The following NCAM2 variants were observed in gnomAD, a reference collection of about 807,000 sequenced individuals.
NCAM2 encodes N-CAM-2.
In NCAM2, 30 loss-of-function variants were observed where a neutral mutation model predicts 98.1. The ratio of observed to expected loss-of-function variants is 0.31; its 90% CI spans 0.23 to 0.41. The LOEUF (loss-of-function observed/expected upper bound fraction) is 0.41. Ranked by LOEUF, NCAM2 falls within the 10% of genes least tolerant of loss-of-function variation. The pLI is 1.00. For synonymous variants in NCAM2, 368 were observed against 342.4 expected, an observed-to-expected ratio of 1.07 and a Z score of -0.83; for missense variants, 867 against 1,005.8, an observed-to-expected ratio of 0.86 and a Z score of 1.87.
intron 1 of NCAM2, among the ~76,000 whole-genome samples, chr21:21,063,370 G>A (rs749596615): frequency 3.3e-5 from 5 of 151,516 alleles, no homozygotes; most frequent in South Asian, 2.1e-4. Flanking sequence ...ACAGGCATGC[G>A]CCAGCACGCC....
intron 7 of NCAM2, among the ~76,000 whole-genome samples, 154 bp from the exon 8 acceptor site, chr21:21,338,235 T>G (rs528185916): frequency 6.6e-6 from 1 of 152,144 alleles, no homozygotes; most frequent in Non-Finnish European, 1.5e-5. Flanking sequence ...TCAACTGTCC[T>G]GGTACGTCTG....
chr21:21,228,227 A>G (rs2070467965), intron 1 of NCAM2, among the ~76,000 whole-genome samples: 1 of 151,648 alleles, frequency 6.6e-6, no homozygotes, highest in Non-Finnish European at 1.5e-5. Context: ...GTAAAAAGAT[A>G]TAAGTCTAAT....
At chr21:21,381,585 G>A (rs969598984) in intron 9 of NCAM2, among the ~76,000 whole-genome samples, 1 of 151,952 alleles carries the variant, frequency 6.6e-6, no homozygotes, top group Non-Finnish European at 1.5e-5. Flanking sequence ...CCTTGAAATA[G>A]ACTTGAGTTC....
intron 1 of NCAM2, among the ~76,000 whole-genome samples, chr21:21,178,439 T>G (rs751436558): frequency 1.3e-5 from 2 of 152,116 alleles, no homozygotes; most frequent in Non-Finnish European, 2.9e-5. Context: ...TCCTCTACAA[T>G]TTTTAATTTT....
intron 4 of NCAM2, chr21:21,289,949 A>C (rs1445907384): frequency 1.3e-5 from 2 of 151,948 alleles, no homozygotes; most frequent in Non-Finnish European, 2.9e-5. Context: ...AAGAAGACTT[A>C]AATTAAATAA....
intron 1 of NCAM2, among the ~76,000 whole-genome samples, chr21:21,018,019 T>G (rs1323304565): frequency 6.6e-6 from 1 of 152,200 alleles, no homozygotes; most frequent in Non-Finnish European, 1.5e-5. Context: ...GTACTGAAAT[T>G]CATGAATATT....
intron 10 of NCAM2, among the ~76,000 whole-genome samples, chr21:21,411,092 G>GTA (rs1366357681): frequency 1.3e-4 from 2 of 15,794 alleles, no homozygotes; most frequent in African/African-American, 3.7e-4. Flanking sequence ...ATATATGTGT[G>GTA]TATATATATA....
chr21:21,507,531 T>C lies in NCAM2; in HGVS notation c.2078-1320T>C, dbSNP rs184227771. The stretch of plus-strand genomic sequence containing the variant: ...AAACTGGGCTAGGCACGGTGGCTCA[T>C]GCCTGTAATCCCAGCACTTTGGGAG... On this transcript the variant is annotated intron_variant, in intron 15 of 17. Transcript: ENST00000400546. Among the ~76,000 whole-genome samples, 566 of 152,110 alleles carry C rather than the reference T, an allele frequency of 3.7e-3. 1 individual carries two copies. Among genetic ancestry groups the C allele is most frequent in the Non-Finnish European group, 6.9e-3 (467 of 67,986 alleles).
chr21:21,500,057 T>C (rs554661388), intron 15 of NCAM2, among the ~76,000 whole-genome samples: 3 of 152,130 alleles, frequency 2.0e-5, no homozygotes, highest in Non-Finnish European at 2.9e-5. Flanking sequence ...ATCTTGGAAG[T>C]GGATACTCAG....
intron 1 of NCAM2, among the ~76,000 whole-genome samples, chr21:21,142,934 T>G (rs1220062182): frequency 1.3e-5 from 2 of 152,220 alleles, no homozygotes; most frequent in African/African-American, 4.8e-5. Context: ...CAATTTTGGT[T>G]GTTATTAGAT....
At chr21:21,009,138 G>GCC (rs1347385562) in intron 1 of NCAM2, among the ~76,000 whole-genome samples, 9 of 152,108 alleles carry the variant, frequency 5.9e-5, no homozygotes, top group Non-Finnish European at 8.8e-5. Context: ...CATGGTAGAA[G>GCC]CCCGGCAAAT....
intron 1 of NCAM2, among the ~76,000 whole-genome samples, chr21:21,130,560 G>T (rs551013005): frequency 2.6e-5 from 4 of 152,022 alleles, no homozygotes; most frequent in Non-Finnish European, 5.9e-5. Flanking sequence ...CACTAATTCC[G>T]ATAGATTATT....
chr21:21,474,702 G>C (rs1984922216), intron 14 of NCAM2, among the ~76,000 whole-genome samples: 1 of 152,086 alleles, frequency 6.6e-6, no homozygotes, highest in Non-Finnish European at 1.5e-5. Context: ...ACATGCAGCT[G>C]TCTGCTGCCT....
intron 9 of NCAM2, among the ~76,000 whole-genome samples, chr21:21,405,707 G>GA: frequency 4.9e-3 from 1 of 204 alleles, no homozygotes; most frequent in South Asian, 0.083. Flanking sequence ...CTGTGCTAGG[G>GA]AGACAATTTT....
At chr21:21,256,032 G>C (rs1003125559) in intron 1 of NCAM2, among the ~76,000 whole-genome samples, 1 of 152,250 alleles carries the variant, frequency 6.6e-6, no homozygotes, top group South Asian at 2.1e-4. Flanking sequence ...TGTATACTGG[G>C]TTAGGTAGAT....
At chr21:21,093,992 AT>A (rs1369660930) in intron 1 of NCAM2, among the ~76,000 whole-genome samples, 1 of 151,992 alleles carries the variant, frequency 6.6e-6, no homozygotes, top group Non-Finnish European at 1.5e-5. Flanking sequence ...TTTTCTAAGA[AT>A]TCTCGTCAAA....
chr21:21,529,545 T>G (rs1318784692), intron 16 of NCAM2, among the ~76,000 whole-genome samples: 2 of 152,044 alleles, frequency 1.3e-5, no homozygotes, highest in African/African-American at 2.4e-5. Context: ...TATTTTAAGG[T>G]AACCACAGTA....
chr21:21,067,018 C>T (rs1189261198), intron 1 of NCAM2, among the ~76,000 whole-genome samples: 1 of 151,804 alleles, frequency 6.6e-6, no homozygotes, highest in Non-Finnish European at 1.5e-5. Flanking sequence ...ATATATGCGT[C>T]TGTTTAAGTA....
intron 12 of NCAM2, among the ~76,000 whole-genome samples, chr21:21,433,796 A>AAAATAAAATAAAAT (rs1602329298): frequency 1.4e-5 from 2 of 145,194 alleles, no homozygotes; most frequent in African/African-American, 5.1e-5. Flanking sequence ...AAAATAAAAT[A>AAAATAAAATAAAAT]AAAATAAAAG....
Sources: gnomAD v4.1 joint callset for allele counts (sites outside exome capture counted in the v4.1 genomes callset) on GRCh38, gnomAD v4.1.1 for gene constraint, MANE v1.5 for transcripts, NCBI Gene and HGNC (gene_info 2026-07-23, HGNC 2026-07-21) for gene names.